Variants in ADRA1B observed in about 807,000 individuals in gnomAD.
ADRA1B encodes adrenoceptor alpha 1B, also known as alpha-1B adrenergic receptor.
In ADRA1B, 17 loss-of-function variants were observed where a neutral mutation model predicts 17.9. The observed-to-expected ratio is 0.95, with a 90% confidence interval of 0.65 to 1.42. ADRA1B has a LOEUF of 1.42. Among genes scored for constraint, ADRA1B ranks in the 40% most tolerant of loss-of-function variants. The pLI is 0.00. For missense variants in ADRA1B, 681 were observed against 722.1 expected (o/e 0.94, Z 0.65); for synonymous variants, 366 against 327.6 (o/e 1.12, Z -1.27).
Position 159,917,659 on chromosome 5 carries a change from A to T in ADRA1B, c.754A>T (p.Thr252Ser). ...GGAGATGTCCAACTCCAAGGAGCTG[A>T]CCCTGAGGATCCATTCCAAGAACTT... ...MKEMSNSKEL[T>S]LRIHSKNFHE... The change falls in exon 1 of 2, where the codon ACC becomes TCC. Residue 252 changes from threonine (T) to serine (S), a missense_variant. Thr to Ser is a moderately conservative substitution (Grantham distance 58, BLOSUM62 1). Around this residue, in one of 3 missense-constraint regions of ADRA1B, gnomAD observed 424 missense variants for 480.2 expected, o/e 0.88. Transcript: ENST00000306675. 6.2e-7 allele frequency: 1 copy of T among 1,614,012 alleles called. No homozygotes were observed. The highest frequency in any genetic ancestry group is 1.1e-5 in the South Asian group (1 of 91,060).
chr5:159,978,251 C>A, the ADRA1B span, among the ~76,000 whole-genome samples: 1 of 152,090 alleles, frequency 6.6e-6, no homozygotes, highest in African/African-American at 2.4e-5. Context: ...ACTAAATATT[C>A]TTGAGTGAAT....
In ADRA1B at chr5:159,916,489, C is replaced by T. The variant is rs13306141; in HGVS notation, c.-417C>T. ...CTGATGTCACCGCCGTGCAGTCAGC[C>T]CAGAAGCGGCTCATTGAAAGCAGAC... On this transcript the variant is annotated 5_prime_UTR_variant, in exon 1 of 2. Coordinates refer to ENST00000306675, the MANE Select transcript of ADRA1B (RefSeq NM_000679.4). 0.027 allele frequency: 4,268 copies of T among 155,386 alleles called. 189 individuals carry two copies. The highest frequency in any genetic ancestry group is 0.2 in the East Asian group (1,059 of 5,218). The allele number at this position is 155,386 out of a possible 1,614,324, so 9.6% of individuals were successfully genotyped here. A position where few individuals can be genotyped will look rare whatever the true frequency, so the allele number is the denominator to read the frequency against.
At chr5:159,872,686 T>A (rs116160416) in intron 1 of ADRA1B, among the ~76,000 whole-genome samples, 65 of 152,188 alleles carry the variant, frequency 4.3e-4, no homozygotes, top group African/African-American at 1.5e-3. Context: ...GACTGCTTGG[T>A]CAAGAGATAG....
chr5:159,984,871 C>A, the ADRA1B span, among the ~76,000 whole-genome samples: 1 of 150,972 alleles, frequency 6.6e-6, no homozygotes, highest in Non-Finnish European at 1.5e-5. Context: ...GGCCACATCA[C>A]TCCAGCCTAG....
At position 159,917,174 on chromosome 5, in the gene ADRA1B, C is replaced by T; in HGVS notation, c.269C>T (p.Ala90Val). ...TACTTCATTGTCAACCTGGCCATGG[C>T]CGACCTGCTGTTGAGCTTCACCGTC... is the stretch of plus-strand genomic sequence containing the variant. ...TNYFIVNLAM[A>V]DLLLSFTVLP... The change falls in exon 1 of 2, where the codon GCC becomes GTC. Residue 90 changes from alanine to valine, a missense_variant. By Grantham distance (64) the Ala-to-Val change is moderately conservative. Transcript: ENST00000306675. The T allele has an allele frequency of 1.2e-6, 2 of 1,614,198 alleles. No homozygotes were observed. Among genetic ancestry groups the T allele is most frequent in the Non-Finnish European group, 1.7e-6 (2 of 1,180,036 alleles).
chr5:159,976,665 A>G (rs1755978238), downstream of ADRA1B, among the ~76,000 whole-genome samples: 1 of 152,088 alleles, frequency 6.6e-6, no homozygotes, highest in South Asian at 2.1e-4. Context: ...AAAAAAAAAA[A>G]ATTGTCCTAC....
intron 1 of ADRA1B, among the ~76,000 whole-genome samples, chr5:159,959,105 T>G (rs1180659140): frequency 6.6e-6 from 1 of 152,188 alleles, no homozygotes; most frequent in African/African-American, 2.4e-5. Context: ...TTTAAGGAGC[T>G]TTTACAGTTC....
intron 1 of ADRA1B, among the ~76,000 whole-genome samples, chr5:159,884,792 G>A (rs1028908424): frequency 6.6e-6 from 1 of 152,186 alleles, no homozygotes; most frequent in Non-Finnish European, 1.5e-5. Flanking sequence ...ACCCTGCAAT[G>A]CAAAACACTA....
At position 159,929,452 on chromosome 5, in the gene ADRA1B, A is replaced by AT. The variant is rs113859197; in HGVS notation, c.949+11612dup. On this transcript the variant is annotated intron_variant, in intron 1 of 1. Transcript: ENST00000306675. ...AGTTTGGGTTTTTTTTGGTTTTTGT[A>AT]TTTTTTTTTTTTTTAAAAAGAGGGT... 3.1e-3 allele frequency among the ~76,000 whole-genome samples: 439 copies of AT among 140,252 alleles called. 3 individuals carry two copies. The highest frequency in any genetic ancestry group is 7.2e-3 in the South Asian group (32 of 4,432). The allele number at this position is 140,252 out of a possible 152,430, so 92.0% of individuals were successfully genotyped here.
chr5:159,974,455 T>G (rs2113303698), downstream of ADRA1B, among the ~76,000 whole-genome samples: 1 of 152,092 alleles, frequency 6.6e-6, no homozygotes, highest in South Asian at 2.1e-4. Context: ...GCCAACAGGG[T>G]GAAACCTCGT....
At chr5:159,921,543 G>A (rs546197181) in intron 1 of ADRA1B, among the ~76,000 whole-genome samples, 20 of 152,214 alleles carry the variant, frequency 1.3e-4, no homozygotes, top group African/African-American at 2.4e-4. Flanking sequence ...ATGCAGGGCC[G>A]GTAGCAGGAA....
chr5:159,891,064 C>T (rs76246290), intron 1 of ADRA1B, among the ~76,000 whole-genome samples: 2 of 152,180 alleles, frequency 1.3e-5, no homozygotes, highest in African/African-American at 4.8e-5. Context: ...ACACCTACCC[C>T]CCCTCTAAGA....
At chr5:159,903,756 C>T (rs910405272) in intron 1 of ADRA1B, among the ~76,000 whole-genome samples, 3 of 152,140 alleles carry the variant, frequency 2.0e-5, no homozygotes, top group African/African-American at 7.2e-5. Context: ...CCTCACATCC[C>T]CTCATCTTCA....
At chr5:159,891,967 G>A (rs551293056) in intron 1 of ADRA1B, among the ~76,000 whole-genome samples, 7 of 152,312 alleles carry the variant, frequency 4.6e-5, no homozygotes, top group African/African-American at 7.2e-5. Context: ...GGCCAGGCGC[G>A]CTGGCTCACA....
intron 1 of ADRA1B, among the ~76,000 whole-genome samples, chr5:159,941,139 C>T (rs578065399): frequency 6.6e-6 from 1 of 152,266 alleles, no homozygotes; most frequent in South Asian, 2.1e-4. Context: ...GATACAGTAG[C>T]CACTGGACAC....
Position 159,972,060 on chromosome 5 carries a change from C to T in ADRA1B, c.1131C>T (p.Arg377=), listed in dbSNP as rs532690456. The change falls in exon 2 of 2, where the codon CGC becomes CGT. Residue 377 remains arginine, a synonymous_variant. Transcript: ENST00000306675. The stretch of plus-strand genomic sequence containing the variant: ...GCCGCGGCCGCCGCCGACGCCGCCG[C>T]CGCCGTCGCCTGGGCGGCTGCGCCT... ...CRGRGRRRRR[R]RRRLGGCAYT... is the part of the protein sequence containing the mutation. The T allele has an allele frequency of 4.6e-6, 6 of 1,311,622 alleles. No individual in the cohort carries two copies. The highest frequency in any genetic ancestry group is 5.8e-6 in the Non-Finnish European group (6 of 1,028,304). 81.2% of individuals were successfully genotyped at this position (1,311,622 alleles called of 1,614,324 possible).
At chr5:159,876,858 T>C (rs1033880484) in intron 1 of ADRA1B, among the ~76,000 whole-genome samples, 1 of 152,234 alleles carries the variant, frequency 6.6e-6, no homozygotes, top group African/African-American at 2.4e-5. Context: ...AAAGTCATTT[T>C]GTTATGAACT....
chr5:159,915,931 C>T (rs568721579), upstream of ADRA1B, among the ~76,000 whole-genome samples: 15 of 152,214 alleles, frequency 9.9e-5, 1 homozygote, highest in East Asian at 2.5e-3. Context: ...GTGGAGACTC[C>T]GTAAGAATCG....
chr5:159,916,066 G>C (rs536818504), upstream of ADRA1B: 1 of 152,392 alleles, frequency 6.6e-6, no homozygotes, highest in African/African-American at 2.4e-5. Context: ...CCTCAGATCC[G>C]ACTCAAGTCC....
Sources: gnomAD v4.1 joint callset for allele counts (sites outside exome capture counted in the v4.1 genomes callset) on GRCh38, gnomAD v4.1.1 for gene constraint, gnomAD v4.1.1 regional missense constraint, MANE v1.5 for transcripts, NCBI Gene and HGNC (gene_info 2026-07-23, HGNC 2026-07-21) for gene names.